The following RALYL variants were observed in gnomAD, a reference collection of about 807,000 sequenced individuals.
RALYL encodes RNA-binding Raly-like protein.
RALYL carries 29 observed loss-of-function variants against 35.1 expected under a neutral mutation model. The observed-to-expected ratio is 0.83, with a 90% CI of 0.61 to 1.13. The LOEUF is 1.13. Ranked by LOEUF, RALYL falls within the 50% of genes most tolerant of loss-of-function variation. RALYL has a pLI of 0.00. For synonymous variants in RALYL, 120 were observed against 127.6 expected (o/e 0.94, Z 0.40); for missense variants, 359 against 360.4 (o/e 1.00, Z 0.03).
At chr8:84,306,575 C>T (rs1841857728) in intron 1 of RALYL, among the ~76,000 whole-genome samples, 1 of 152,088 alleles carries the variant, frequency 6.6e-6, no homozygotes, top group African/African-American at 2.4e-5. Context: ...AAGGTTATAC[C>T]TCTCAGGGGA....
intron 1 of RALYL, among the ~76,000 whole-genome samples, chr8:84,424,677 G>T (rs1024387309): frequency 2.0e-5 from 3 of 151,760 alleles, no homozygotes; most frequent in African/African-American, 4.9e-5. Flanking sequence ...CCATCTTTGT[G>T]GTTTTATCTA....
At chr8:84,490,129 G>T (rs936153532) in intron 1 of RALYL, among the ~76,000 whole-genome samples, 8 of 140,374 alleles carry the variant, frequency 5.7e-5, no homozygotes, top group Non-Finnish European at 9.5e-5. Flanking sequence ...GTTGAGTGGG[G>T]AGGGAATAAT....
At chr8:84,669,671 G>A (rs1832840161) in intron 2 of RALYL, among the ~76,000 whole-genome samples, 1 of 151,968 alleles carries the variant, frequency 6.6e-6, no homozygotes. Flanking sequence ...CACATCAAAT[G>A]TCAAGGATTC....
At position 84,219,986 on chromosome 8, in the gene RALYL, C is replaced by T. The variant is rs112110591; in HGVS notation, c.-24+35562C>T. Among the ~76,000 whole-genome samples the T allele has an allele frequency of 6.5e-3, 987 of 152,094 alleles. 7 individuals are homozygous for T. The highest frequency in any genetic ancestry group is 0.011 in the Non-Finnish European group (773 of 67,952). ...CCTTTATATTTTGTCCATCACAACACTAACAGTTTGATTTTTTAGATGCCT... is the reference window on the plus strand; with the variant it reads ...CCTTTATATTTTGTCCATCACAACATTAACAGTTTGATTTTTTAGATGCCT... On this transcript the variant is annotated intron_variant, in intron 1 of 8. Coordinates refer to ENST00000521268, the MANE Select transcript of RALYL (RefSeq NM_173848.7).
intron 1 of RALYL, among the ~76,000 whole-genome samples, chr8:84,214,884 T>C (rs1193915051): frequency 1.3e-5 from 2 of 151,770 alleles, no homozygotes; most frequent in African/African-American, 4.8e-5. Flanking sequence ...GTAATTAACT[T>C]TTATTTTTTT....
chr8:84,918,231 G>A (rs890955556), intron 8 of RALYL, among the ~76,000 whole-genome samples: 2 of 152,004 alleles, frequency 1.3e-5, no homozygotes, highest in African/African-American at 4.8e-5. Flanking sequence ...TTATTTAAAA[G>A]TATGATTTTC....
intron 1 of RALYL, among the ~76,000 whole-genome samples, chr8:84,296,551 T>G (rs916041399): frequency 8.5e-4 from 128 of 150,994 alleles, no homozygotes; most frequent in Non-Finnish European, 1.1e-3. Flanking sequence ...TGCAAAGATG[T>G]GACATGCCGA....
chr8:84,316,721 G>A (rs1177837113), intron 1 of RALYL, among the ~76,000 whole-genome samples: 1 of 152,082 alleles, frequency 6.6e-6, no homozygotes, highest in Non-Finnish European at 1.5e-5. Flanking sequence ...GAATTTAGAA[G>A]GCTACCTTTC....
chr8:84,901,988 G>T (rs1016369933), intron 8 of RALYL, among the ~76,000 whole-genome samples: 2 of 151,942 alleles, frequency 1.3e-5, no homozygotes, highest in African/African-American at 2.4e-5. Flanking sequence ...CAGAACAAAG[G>T]GTTTCTTAAC....
At chr8:84,899,019 T>C (rs995698328) in intron 8 of RALYL, among the ~76,000 whole-genome samples, 3 of 152,166 alleles carry the variant, frequency 2.0e-5, no homozygotes, top group African/African-American at 7.2e-5. Context: ...AGCATTTGTA[T>C]GGGGATGGAT....
At chr8:84,497,079 T>C (rs2056112759) in intron 1 of RALYL, among the ~76,000 whole-genome samples, 1 of 152,126 alleles carries the variant, frequency 6.6e-6, no homozygotes, top group Non-Finnish European at 1.5e-5. Context: ...CACTTAGGCT[T>C]ATGGTCTAAG....
intron 2 of RALYL, among the ~76,000 whole-genome samples, chr8:84,655,984 T>C (rs1268437815): frequency 6.6e-6 from 1 of 152,172 alleles, no homozygotes; most frequent in Non-Finnish European, 1.5e-5. Context: ...CCTTATGGCA[T>C]ATATCTCACC....
At chr8:84,805,176 C>T (rs887194374) in intron 4 of RALYL, among the ~76,000 whole-genome samples, 3 of 152,172 alleles carry the variant, frequency 2.0e-5, no homozygotes, top group Non-Finnish European at 4.4e-5. Context: ...TTTCAATCTA[C>T]TCTATTCACT....
At chr8:84,496,832 C>A in intron 1 of RALYL, among the ~76,000 whole-genome samples, 1 of 152,044 alleles carries the variant, frequency 6.6e-6, no homozygotes. Flanking sequence ...AACCTTATCC[C>A]ATTTTTAAGC....
intron 1 of RALYL, among the ~76,000 whole-genome samples, chr8:84,432,203 T>G (rs1563920869): frequency 1.3e-5 from 2 of 152,126 alleles, no homozygotes; most frequent in Non-Finnish European, 2.9e-5. Flanking sequence ...TATTCAGCCT[T>G]TAAGGAAAAT....
At chr8:84,829,922 C>G (rs922149505) in intron 4 of RALYL, among the ~76,000 whole-genome samples, 3 of 150,652 alleles carry the variant, frequency 2.0e-5, no homozygotes, top group African/African-American at 4.9e-5. Context: ...ATCGAACTCA[C>G]AGCCAGCAGC....
chr8:84,753,908 C>T (rs2133254033), intron 2 of RALYL, among the ~76,000 whole-genome samples: 1 of 152,134 alleles, frequency 6.6e-6, no homozygotes. Flanking sequence ...AGCATTTTTT[C>T]ATGTGTTTTT....
intron 8 of RALYL, among the ~76,000 whole-genome samples, chr8:84,890,544 A>C (rs140548578): frequency 1.3e-5 from 2 of 152,208 alleles, no homozygotes; most frequent in Non-Finnish European, 2.9e-5. Context: ...TATCAGAACT[A>C]CTTAGAGAAC....
chr8:84,831,586 G>A (rs115820864), intron 4 of RALYL, among the ~76,000 whole-genome samples: 1 of 152,114 alleles, frequency 6.6e-6, no homozygotes, highest in African/African-American at 2.4e-5. Flanking sequence ...TTATGGAAGG[G>A]TTAAAGTGAT....
Sources: gnomAD v4.1 joint callset for allele counts (sites outside exome capture counted in the v4.1 genomes callset) on GRCh38, gnomAD v4.1.1 for gene constraint, MANE v1.5 for transcripts, NCBI Gene and HGNC (gene_info 2026-07-23, HGNC 2026-07-21) for gene names.